Variants in DEPDC5 observed in about 807,000 individuals in gnomAD.
The protein encoded by DEPDC5 is GATOR1 complex protein DEPDC5.
A neutral mutation model predicts 217.3 loss-of-function variants in DEPDC5; 73 were observed. That is an observed-to-expected ratio of 0.34 (90% CI 0.28 to 0.41). The LOEUF (loss-of-function observed/expected upper bound fraction) is 0.41, where lower values mean the gene tolerates loss of function less well. Ranked by LOEUF, DEPDC5 falls within the 10% of genes least tolerant of loss-of-function variation. The pLI is 1.00. For synonymous variants in DEPDC5, 733 were observed against 756.7 expected (o/e 0.97, Z 0.51); for missense variants, 1,675 against 2,070.1 (o/e 0.81, Z 3.70).
intron 37 of DEPDC5, among the ~76,000 whole-genome samples, chr22:31,879,043 A>AAAAAAAAAAT (rs763615141): frequency 1.6e-4 from 19 of 119,460 alleles, no homozygotes; most frequent in South Asian, 8.5e-4. Context: ...AAAAAAAAAA[A>AAAAAAAAAAT]ATATATATAT....
chr22:31,812,423 T>TC (rs1179575602), intron 20 of DEPDC5, among the ~76,000 whole-genome samples: 6 of 132,888 alleles, frequency 4.5e-5, no homozygotes, highest in African/African-American at 1.7e-4. Context: ...CATATTTCTT[T>TC]TTTTTTTTTT....
chr22:31,886,356 CCTT>C (rs1344571063), intron 38 of DEPDC5, among the ~76,000 whole-genome samples: 2 of 152,166 alleles, frequency 1.3e-5, no homozygotes, highest in Non-Finnish European at 2.9e-5. Flanking sequence ...GTTTCCAAAG[CCTT>C]CTTCTAATGC....
chr22:31,828,844 G>T (rs1468638179), intron 24 of DEPDC5, among the ~76,000 whole-genome samples: 1 of 152,236 alleles, frequency 6.6e-6, no homozygotes, highest in Non-Finnish European at 1.5e-5. Flanking sequence ...GCTTCCTCAT[G>T]CACTTGGGAT....
Position 31,845,023 on chromosome 22 carries a change from T to C in DEPDC5, c.2807T>C (p.Ile936Thr). The change falls in exon 30 of 43, where the codon ATT (isoleucine) becomes ACT (threonine). Residue 936 changes from isoleucine to threonine, a missense_variant. Around this residue, in one of 11 missense-constraint regions of DEPDC5, gnomAD observed 293 missense variants for 386.1 expected, o/e 0.76. Coordinates refer to ENST00000651528, the MANE Select transcript of DEPDC5 (RefSeq NM_001242896.3). ...TGTTTTCCTTGCCCCCTTAGCTTAA[T>C]TGAGTCCCTGAAGTTCTGGAGGACC... is the stretch of plus-strand genomic sequence containing the variant. ...CSAGSEDFSLIESLKFWRTRF... is the reference protein window; with the variant it reads ...CSAGSEDFSLTESLKFWRTRF... 3 of 1,614,194 alleles carry C rather than the reference T, an allele frequency of 1.9e-6. No individual in the cohort carries two copies. Among genetic ancestry groups the C allele is most frequent in the Non-Finnish European group, 2.5e-6 (3 of 1,180,020 alleles).
chr22:31,874,192 CCTT>C (rs1569169421), intron 35 of DEPDC5, 78 bp from the exon 36 acceptor site: 36 of 1,536,328 alleles, frequency 2.3e-5, no homozygotes, highest in Non-Finnish European at 3.2e-5. Context: ...AGTGGGAGTC[CCTT>C]CTTTTTCATC....
chr22:31,783,970 G>T lies in DEPDC5; in HGVS notation c.547G>T (p.Asp183Tyr). The change falls in exon 9 of 43, where the codon GAT (aspartate) becomes TAT (tyrosine). Residue 183 changes from aspartate to tyrosine, a missense_variant. Asp to Tyr is a radical substitution (Grantham distance 160). Transcript: ENST00000651528. ...IFIQMSCEMW[D>Y]FDIYGDLYFE... ...TATTCAGATGAGCTGTGAAATGTGG[G>T]ATTTTGATATTTATGGTACTGTGTC... is the stretch of plus-strand genomic sequence containing the variant. 1 of 1,613,494 alleles carries T rather than the reference G, an allele frequency of 6.2e-7. No homozygotes were observed. The highest frequency in any genetic ancestry group is 8.5e-7 in the Non-Finnish European group (1 of 1,179,680).
chr22:31,844,799 C>G, intron 29 of DEPDC5: 2 of 482,834 alleles, frequency 4.1e-6, no homozygotes, highest in South Asian at 5.0e-5. Flanking sequence ...AAGCAATCCT[C>G]CTGCCTCGGC....
chr22:31,756,534 A>G (rs961377260), intron 2 of DEPDC5, among the ~76,000 whole-genome samples: 1 of 152,260 alleles, frequency 6.6e-6, no homozygotes, highest in Non-Finnish European at 1.5e-5. Context: ...ACAAGGATAC[A>G]GTATATACAA....
chr22:31,755,082 A>T, intron 2 of DEPDC5, 103 bp downstream of exon 2: 1 of 1,354,490 alleles, frequency 7.4e-7, no homozygotes, highest in Middle Eastern at 1.8e-4. Context: ...TTGAGGCTAA[A>T]CAGGCGACTA....
At chr22:31,836,771 A>T (rs2091030207) in intron 25 of DEPDC5, 6 of 583,108 alleles carry the variant, frequency 1.0e-5, no homozygotes, top group South Asian at 8.5e-5. Flanking sequence ...TTGGATAAGC[A>T]TGTGCACTGC....
At chr22:31,795,913 A>G (rs575042678) in intron 12 of DEPDC5, among the ~76,000 whole-genome samples, 8 of 150,596 alleles carry the variant, frequency 5.3e-5, no homozygotes, top group Non-Finnish European at 1.2e-4. Context: ...TATTTTTAGT[A>G]GAGATGGGGT....
Position 31,833,910 on chromosome 22 carries a change from C to T in DEPDC5, c.2105-5C>T. ...TTAAGACAAGCTGTTTTTATCTTTC[C>T]ATAGGTATGAATCCTAGGACCCAGA... On this transcript the variant is annotated splice_region_variant and splice_polypyrimidine_tract_variant and intron_variant, in intron 24 of 42. Transcript: ENST00000651528. 2 of 1,555,012 alleles carry T rather than the reference C, an allele frequency of 1.3e-6. No homozygotes were observed. Among genetic ancestry groups the T allele is most frequent in the Middle Eastern group, 1.7e-4 (1 of 5,774 alleles).
In DEPDC5 at chr22:31,837,063, C is replaced by A; in HGVS notation, c.2262C>A (p.Pro754=). ...CTCTCACTACTCCGGCGTGCCTCCCCCTTACCACCGACTACTTCCCTGACC... is the reference window on the plus strand; with the variant it reads ...CTCTCACTACTCCGGCGTGCCTCCCACTTACCACCGACTACTTCCCTGACC... ...WKSLTTPACL[P]LTTDYFPDRQ... is the part of the protein sequence containing the mutation. The change falls in exon 26 of 43, where the codon CCC becomes CCA. Residue 754 remains proline, a synonymous_variant. Transcript: ENST00000651528. The A allele has an allele frequency of 6.2e-7, 1 of 1,614,188 alleles. No homozygotes were observed. Among genetic ancestry groups the A allele is most frequent in the Non-Finnish European group, 8.5e-7 (1 of 1,180,036 alleles).
At chr22:31,774,335 GA>G (rs536377266) in intron 7 of DEPDC5, among the ~76,000 whole-genome samples, 105 of 151,726 alleles carry the variant, frequency 6.9e-4, no homozygotes, top group Admixed American at 2.8e-3. Flanking sequence ...AAGTAGCTGG[GA>G]TCACAGGCAC....
chr22:31,875,319 A>G (rs2044238184), intron 36 of DEPDC5: 1 of 164,894 alleles, frequency 6.1e-6, no homozygotes, highest in Non-Finnish European at 1.5e-5. Context: ...AGCTGAAGGT[A>G]CATGTATCAA....
At chr22:31,791,971 T>A in intron 10 of DEPDC5, 62 bp from the exon 11 acceptor site, 1 of 856,080 alleles carries the variant, frequency 1.2e-6, no homozygotes. Context: ...ATGCATGCAG[T>A]CTGCTTCATA....
intron 36 of DEPDC5, 45 bp from the exon 37 acceptor site, chr22:31,876,112 A>G: frequency 2.5e-6 from 4 of 1,588,044 alleles, no homozygotes; most frequent in Non-Finnish European, 3.5e-6. Context: ...TGCCCCTTCA[A>G]GATGCCTCTC....
chr22:31,900,024 C>T (rs2149409279), intron 40 of DEPDC5, among the ~76,000 whole-genome samples: 2 of 152,274 alleles, frequency 1.3e-5, no homozygotes, highest in South Asian at 4.1e-4. Flanking sequence ...GCTGATTACT[C>T]TTCAAACTTT....
chr22:31,834,202 G>A, intron 25 of DEPDC5: 2 of 562,492 alleles, frequency 3.6e-6, no homozygotes, highest in Non-Finnish European at 6.6e-6. Flanking sequence ...TGATTCAGGG[G>A]CACCTGGGAA....
Sources: allele counts gnomAD v4.1 joint callset (sites outside exome capture counted in the v4.1 genomes callset), GRCh38; gene constraint gnomAD v4.1.1; regional missense constraint gnomAD v4.1.1; transcripts MANE v1.5; gene names NCBI Gene and HGNC (gene_info 2026-07-23, HGNC 2026-07-21).